Variants in XRRA1 observed in about 807,000 individuals in gnomAD.
The protein encoded by XRRA1 is X-ray radiation resistance associated 1, also known as X-ray radiation resistance-associated protein 1.
A neutral mutation model predicts 80.2 loss-of-function variants in XRRA1; 69 were observed. The observed-to-expected ratio is 0.86, with a 90% CI of 0.71 to 1.05. XRRA1 has a LOEUF of 1.05. XRRA1 is among the 50% of genes least tolerant of loss of function. XRRA1 has a pLI of 0.00. For missense variants in XRRA1, 967 were observed against 976.4 expected, an observed-to-expected ratio of 0.99 and a Z score of 0.13; for synonymous variants, 348 against 389.9, an observed-to-expected ratio of 0.89 and a Z score of 1.27.
intron 7 of XRRA1, among the ~76,000 whole-genome samples, chr11:74,925,683 A>G (rs1942046926): frequency 6.6e-6 from 1 of 152,150 alleles, no homozygotes; most frequent in African/African-American, 2.4e-5. Flanking sequence ...CACACTATAA[A>G]GTAAAGTAAG....
chr11:74,917,804 T>C (rs1382738582), intron 8 of XRRA1, among the ~76,000 whole-genome samples: 1 of 152,158 alleles, frequency 6.6e-6, no homozygotes, highest in Non-Finnish European at 1.5e-5. Flanking sequence ...GGAGGTACTT[T>C]TACCAAGAGA....
intron 10 of XRRA1, among the ~76,000 whole-genome samples, chr11:74,874,764 G>T (rs970450916): frequency 1.3e-5 from 2 of 152,178 alleles, no homozygotes; most frequent in Non-Finnish European, 2.9e-5. Flanking sequence ...TGAGGAACCT[G>T]AACATGACTG....
At chr11:74,846,106 G>GA in intron 15 of XRRA1, 1 of 152,188 alleles carries the variant, frequency 6.6e-6, no homozygotes, top group Non-Finnish European at 1.5e-5. Flanking sequence ...TGCCTAGGTA[G>GA]AAAATGGAGC....
intron 12 of XRRA1, among the ~76,000 whole-genome samples, chr11:74,857,634 C>T (rs2041425193): frequency 6.6e-6 from 1 of 152,178 alleles, no homozygotes; most frequent in Non-Finnish European, 1.5e-5. Context: ...TTATAGAACA[C>T]TTTCCCCCAA....
Position 74,892,565 on chromosome 11 carries a change from T to A in XRRA1, c.1003+13674A>T, listed in dbSNP as rs868064436. ...CCAAAATTGACAAATGGGATCTAAT[T>A]AAACTAAAGAGCTTCTGCACAGCAA... is the stretch of plus-strand genomic sequence containing the variant. On this transcript the variant is annotated intron_variant, in intron 10 of 18. Coordinates refer to ENST00000684022, the MANE Select transcript of XRRA1 (RefSeq NM_001378157.1). 1.5e-3 allele frequency among the ~76,000 whole-genome samples: 228 copies of A among 152,210 alleles called. 1 individual carries two copies. Among genetic ancestry groups the A allele is most frequent in the African/African-American group, 5.3e-3 (222 of 41,524 alleles).
At position 74,841,961 on chromosome 11, in the gene XRRA1, A is replaced by G. The variant is rs1318135448; in HGVS notation, c.*1239T>C. 1.3e-5 allele frequency: 2 copies of G among 152,254 alleles called. No homozygotes were observed. Among genetic ancestry groups the G allele is most frequent in the Non-Finnish European group, 2.9e-5 (2 of 68,032 alleles). 9.4% of individuals were successfully genotyped at this position (152,254 alleles called of 1,614,324 possible). A position where few individuals can be genotyped will look rare whatever the true frequency, so the allele number is the denominator to read the frequency against. ...GAGCACTTAAAAGTCCTAGTGAGAG[A>G]ATAGATACTATGCAAGGGAAAAAAA... On this transcript the variant is annotated 3_prime_UTR_variant, in exon 19 of 19. Coordinates refer to ENST00000684022, the MANE Select transcript of XRRA1 (RefSeq NM_001378157.1).
At chr11:74,854,157 C>A (rs895125111) in intron 12 of XRRA1, among the ~76,000 whole-genome samples, 1 of 152,036 alleles carries the variant, frequency 6.6e-6, no homozygotes, top group African/African-American at 2.4e-5. Flanking sequence ...TGTATGTTGG[C>A]GGTACTTTTG....
intron 18 of XRRA1, 89 bp from the exon 19 acceptor site, chr11:74,843,542 A>C: frequency 6.7e-7 from 1 of 1,498,450 alleles, no homozygotes. Context: ...AGACCCTTGG[A>C]AAATGGGATG....
At chr11:74,861,829 C>G (rs1000858152) in intron 11 of XRRA1, among the ~76,000 whole-genome samples, 4 of 152,084 alleles carry the variant, frequency 2.6e-5, no homozygotes, top group Admixed American at 1.3e-4. Context: ...TGTGGAAACT[C>G]TTGAATTTAT....
chr11:74,907,144 C>T lies in XRRA1; in HGVS notation c.785+1G>A. 6.2e-6 allele frequency: 10 copies of T among 1,613,570 alleles called. No individual in the cohort carries two copies. The highest frequency in any genetic ancestry group is 1.3e-5 in the African/African-American group (1 of 75,050). On this transcript the variant is annotated splice_donor_variant, in intron 9 of 18. Coordinates refer to ENST00000684022, the MANE Select transcript of XRRA1 (RefSeq NM_001378157.1). LOFTEE classifies it high-confidence loss of function. The stretch of plus-strand genomic sequence containing the variant: ...CAGCAGAGAAAGGCTTATGGCTTTA[C>T]CTCCTGAGCCCAGCCAGGCTGGCAA...
At chr11:74,849,085 C>T (rs2039096471) in intron 14 of XRRA1, among the ~76,000 whole-genome samples, 1 of 152,242 alleles carries the variant, frequency 6.6e-6, no homozygotes, top group South Asian at 2.1e-4. Flanking sequence ...CCTCCTCAGC[C>T]TCAGCTGCCA....
At chr11:74,856,216 A>G (rs1481416976) in intron 12 of XRRA1, among the ~76,000 whole-genome samples, 1 of 152,242 alleles carries the variant, frequency 6.6e-6, no homozygotes, top group Non-Finnish European at 1.5e-5. Context: ...CTAGATAATG[A>G]GCATATAAGA....
At chr11:74,904,252 T>C (rs1010662495) in intron 10 of XRRA1, among the ~76,000 whole-genome samples, 1 of 152,190 alleles carries the variant, frequency 6.6e-6, no homozygotes, top group East Asian at 1.9e-4. Context: ...AAAGAAGACA[T>C]GTATTTGGTT....
intron 10 of XRRA1, among the ~76,000 whole-genome samples, chr11:74,869,900 C>T (rs1459568573): frequency 6.6e-6 from 1 of 152,294 alleles, no homozygotes; most frequent in South Asian, 2.1e-4. Flanking sequence ...CTCTTAACCT[C>T]ACTCTTTGTG....
chr11:74,927,737 A>G (rs888825286), intron 6 of XRRA1, among the ~76,000 whole-genome samples: 2 of 152,250 alleles, frequency 1.3e-5, no homozygotes, highest in South Asian at 2.1e-4. Flanking sequence ...GAAAGAGCCA[A>G]GAATTGAATC....
chr11:74,933,510 CCTCCCAAAG>C, intron 5 of XRRA1: 1 of 221,586 alleles, frequency 4.5e-6, no homozygotes, highest in Non-Finnish European at 9.1e-6. Context: ...CCCACCTCGG[CCTCCCAAAG>C]TGCTGGGATT....
chr11:74,860,415 T>G, intron 11 of XRRA1, among the ~76,000 whole-genome samples: 1 of 152,152 alleles, frequency 6.6e-6, no homozygotes, highest in Non-Finnish European at 1.5e-5. Flanking sequence ...CATACTGCAG[T>G]ACAGAAAAGG....
intron 12 of XRRA1, among the ~76,000 whole-genome samples, chr11:74,856,906 G>C (rs999301214): frequency 3.9e-5 from 6 of 152,076 alleles, no homozygotes; most frequent in Non-Finnish European, 8.8e-5. Flanking sequence ...CTACTCCTGT[G>C]GTTGGAGCAG....
At position 74,841,352 on chromosome 11, in the gene XRRA1, AGAT is replaced by A. The variant is rs1207379444; in HGVS notation, c.*1845_*1847del. ...AAGTGCTGAAGAGATTTTCTTCTGAAGATGATCTAGGAAATGCATCTTTATACA... is the reference window on the plus strand; with the variant it reads ...AAGTGCTGAAGAGATTTTCTTCTGAAGATCTAGGAAATGCATCTTTATACA... On this transcript the variant is annotated 3_prime_UTR_variant, in exon 19 of 19. Coordinates refer to ENST00000684022, the MANE Select transcript of XRRA1 (RefSeq NM_001378157.1). 2 of 152,184 alleles carry A rather than the reference AGAT, an allele frequency of 1.3e-5. No homozygotes were observed. The highest frequency in any genetic ancestry group is 2.9e-5 in the Non-Finnish European group (2 of 68,034). The allele number at this position is 152,184 out of a possible 1,614,324, so 9.4% of individuals were successfully genotyped here. A position where few individuals can be genotyped will look rare whatever the true frequency, so the allele number is the denominator to read the frequency against.
Sources: allele counts gnomAD v4.1 joint callset (sites outside exome capture counted in the v4.1 genomes callset), GRCh38; gene constraint gnomAD v4.1.1; transcripts MANE v1.5; gene names NCBI Gene and HGNC (gene_info 2026-07-23, HGNC 2026-07-21).